The following JAKMIP1 variants were observed in gnomAD, a reference collection of about 807,000 sequenced individuals.
JAKMIP1 encodes the protein janus kinase and microtubule interacting protein 1.
Under a neutral mutation model 113.0 loss-of-function variants are expected in JAKMIP1, and 33 were observed. The ratio of observed to expected loss-of-function variants is 0.29; its 90% CI spans 0.22 to 0.39. The LOEUF (loss-of-function observed/expected upper bound fraction) is 0.39. JAKMIP1 is among the 10% of genes least tolerant of loss of function. The probability of loss-of-function intolerance (pLI) is 1.00; values close to 1 mark genes in which losing one functional copy is unlikely to be tolerated. For missense variants in JAKMIP1, 813 were observed against 1,080.5 expected (o/e 0.75, Z 3.47); for synonymous variants, 480 against 459.9 (o/e 1.04, Z -0.56).
chr4:6,080,387 G>C lies in JAKMIP1; in HGVS notation c.1102-75C>G. On this transcript the variant is annotated intron_variant, in intron 6 of 20. Coordinates refer to ENST00000409021, the MANE Select transcript of JAKMIP1 (RefSeq NM_001099433.2). The surrounding 1 kb of genome is among the most constrained non-coding windows in gnomAD (Gnocchi z 6.0). ...TTGTTAGGGACAGTGCTGGAGTGGA[G>C]CTCAGGGGTGCAGGGACAGAAGGAT... The C allele has an allele frequency of 6.5e-7, 1 of 1,528,582 alleles. No individual in the cohort carries two copies. The highest frequency in any genetic ancestry group is 1.2e-5 in the South Asian group (1 of 80,240). 94.7% of individuals were successfully genotyped at this position (1,528,582 alleles called of 1,614,324 possible).
chr4:6,050,685 G>A lies in JAKMIP1; in HGVS notation c.1807-6C>T, dbSNP rs1278510701. 1 of 1,549,250 alleles carries A rather than the reference G, an allele frequency of 6.5e-7. No individual in the cohort carries two copies. The highest frequency in any genetic ancestry group is 2.0e-5 in the Admixed American group (1 of 51,126). ...GGCGACCTCCTCTCTCTCTCCTGGG[G>A]AAAAGATTCGGTTTAAAAACAGAAT... On this transcript the variant is annotated splice_polypyrimidine_tract_variant and splice_region_variant and intron_variant, in intron 13 of 20. Transcript: ENST00000409021. The surrounding 1 kb of genome is among the most constrained non-coding windows in gnomAD (Gnocchi z 7.4).
chr4:6,102,109 A>T (rs1017890896), intron 3 of JAKMIP1, among the ~76,000 whole-genome samples: 3 of 152,144 alleles, frequency 2.0e-5, no homozygotes, highest in Non-Finnish European at 4.4e-5. Context: ...CTTTCCTTAG[A>T]TTTATTCCTA....
chr4:6,177,799 T>C (rs965147632), intron 1 of JAKMIP1, among the ~76,000 whole-genome samples: 2 of 152,296 alleles, frequency 1.3e-5, no homozygotes, highest in South Asian at 2.1e-4. Flanking sequence ...ATCTTCACAG[T>C]GACCTGGGTG....
At chr4:6,090,371 C>A (rs1408080631) in intron 3 of JAKMIP1, among the ~76,000 whole-genome samples, 1 of 152,198 alleles carries the variant, frequency 6.6e-6, no homozygotes, top group African/African-American at 2.4e-5. Flanking sequence ...CCAGAAAACA[C>A]TTTCACCCTA....
chr4:6,108,170 C>A lies in JAKMIP1; in HGVS notation c.130-2203G>T, dbSNP rs1328718952. On this transcript the variant is annotated intron_variant, in intron 2 of 20. Coordinates refer to ENST00000409021, the MANE Select transcript of JAKMIP1 (RefSeq NM_001099433.2). This position sits in a 1 kb window ranked among gnomAD's most constrained non-coding sequence, Gnocchi z 5.6. ...CTGGGGACAGGGCCCTGCTGGGTCC[C>A]TCCAGCTCTGCCCAAAGCTGCTGAG... 6.6e-6 allele frequency among the ~76,000 whole-genome samples: 1 copy of A among 152,084 alleles called. No homozygotes were observed. Among genetic ancestry groups the A allele is most frequent in the Non-Finnish European group, 1.5e-5 (1 of 68,022 alleles).
At position 6,064,911 on chromosome 4, in the gene JAKMIP1, G is replaced by A. The variant is rs771685975; in HGVS notation, c.1400C>T (p.Thr467Ile). 5.4e-5 allele frequency: 87 copies of A among 1,614,022 alleles called. No individual in the cohort carries two copies. The highest frequency in any genetic ancestry group is 7.2e-5 in the Non-Finnish European group (85 of 1,180,038). Reference protein sequence around the residue: ...TSYNTDRTDRTPATPEEDLDD... With the variant: ...TSYNTDRTDRIPATPEEDLDD... ...CAAGTCTTCTTCGGGCGTGGCTGGG[G>A]TCCTGTCTGTCCTGTCTGTGTTGTA... The change falls in exon 9 of 21, where the codon ACC (threonine) becomes ATC (isoleucine). Residue 467 changes from threonine to isoleucine, a missense_variant. By Grantham distance (89) the Thr-to-Ile change is moderately conservative. Around this residue, in one of 2 missense-constraint regions of JAKMIP1, gnomAD observed 540 missense variants for 653.9 expected, o/e 0.83. Transcript: ENST00000409021. This position sits in a 1 kb window ranked among gnomAD's most constrained non-coding sequence, Gnocchi z 4.3.
chr4:6,149,182 A>G (rs1477860977), intron 1 of JAKMIP1, among the ~76,000 whole-genome samples: 1 of 152,238 alleles, frequency 6.6e-6, no homozygotes, highest in Non-Finnish European at 1.5e-5. Flanking sequence ...TTTTTAAAAT[A>G]AGTAAGCTTT....
chr4:6,074,579 A>G (rs1020682796), intron 8 of JAKMIP1, among the ~76,000 whole-genome samples: 1 of 152,218 alleles, frequency 6.6e-6, no homozygotes, highest in African/African-American at 2.4e-5. Context: ...ACCTCCCACG[A>G]ATACTCAAAT....
At chr4:6,066,024 A>G (rs556460536) in intron 8 of JAKMIP1, among the ~76,000 whole-genome samples, 1 of 152,270 alleles carries the variant, frequency 6.6e-6, no homozygotes, top group Non-Finnish European at 1.5e-5. Context: ...GCCCCCGACA[A>G]GGATTTTTAT....
At chr4:6,169,980 TACCACCACCACCACC>T (rs200501521) in intron 1 of JAKMIP1, among the ~76,000 whole-genome samples, 27,660 of 107,620 alleles carry the variant, frequency 0.26, 2,320 homozygotes, top group South Asian at 0.34. Flanking sequence ...CCACCACCAC[TACCACCACCACCACC>T]ACCACCACCA....
chr4:6,124,400 C>T (rs1560227786), intron 1 of JAKMIP1, among the ~76,000 whole-genome samples: 1 of 152,168 alleles, frequency 6.6e-6, no homozygotes, highest in Non-Finnish European at 1.5e-5. Flanking sequence ...AGTGTGGCGG[C>T]TTAATCCACA....
chr4:6,103,356 A>G lies in JAKMIP1; in HGVS notation c.624+2117T>C, dbSNP rs540386445. The stretch of plus-strand genomic sequence containing the variant: ...GCCAATCTTTATATTTTCAGAATAA[A>G]CCCAGCTGGGTTATGACTTATTAGC... On this transcript the variant is annotated intron_variant, in intron 3 of 20. Coordinates refer to ENST00000409021, the MANE Select transcript of JAKMIP1 (RefSeq NM_001099433.2). Among the ~76,000 whole-genome samples the G allele has an allele frequency of 5.3e-5, 8 of 152,312 alleles. No individual in the cohort carries two copies. In the East Asian group the frequency reaches 1.2e-3, roughly 22 times the overall value.
At chr4:6,130,059 A>G (rs776001065) in intron 1 of JAKMIP1, among the ~76,000 whole-genome samples, 5 of 152,226 alleles carry the variant, frequency 3.3e-5, no homozygotes, top group Non-Finnish European at 4.4e-5. Context: ...CACAGAGCCC[A>G]GGTCCAGCTC....
chr4:6,080,654 A>G lies in JAKMIP1; in HGVS notation c.1102-342T>C, dbSNP rs1376764536. On this transcript the variant is annotated intron_variant, in intron 6 of 20. Coordinates refer to ENST00000409021, the MANE Select transcript of JAKMIP1 (RefSeq NM_001099433.2). This position sits in a 1 kb window ranked among gnomAD's most constrained non-coding sequence, Gnocchi z 6.0. ...CAGTCTGTCTTGTCTGCCGCCAAGT[A>G]AGATGTGCCTTTAGCTTTCTGCCAT... is the stretch of plus-strand genomic sequence containing the variant. Among the ~76,000 whole-genome samples the G allele has an allele frequency of 6.6e-6, 1 of 152,132 alleles. No homozygotes were observed.
At chr4:6,102,596 G>T (rs1713229940) in intron 3 of JAKMIP1, among the ~76,000 whole-genome samples, 1 of 151,818 alleles carries the variant, frequency 6.6e-6, no homozygotes, top group Non-Finnish European at 1.5e-5. Context: ...TTATATATAA[G>T]TTACCCAGTC....
At position 6,193,086 on chromosome 4, in the gene JAKMIP1, A is replaced by G. The variant is rs957607968; in HGVS notation, c.-148+7167T>C. 6.6e-6 allele frequency among the ~76,000 whole-genome samples: 1 copy of G among 152,144 alleles called. No individual in the cohort carries two copies. The highest frequency in any genetic ancestry group is 1.5e-5 in the Non-Finnish European group (1 of 68,024). ...GCTAGAATAAAGCAGGCAGGAGAAG[A>G]TGGAAGAGCAAACTTGCTGAGTCTT... On this transcript the variant is annotated intron_variant, in intron 1 of 20. Coordinates refer to ENST00000409021, the MANE Select transcript of JAKMIP1 (RefSeq NM_001099433.2). This position sits in a 1 kb window ranked among gnomAD's most constrained non-coding sequence, Gnocchi z 6.4.
In JAKMIP1 at chr4:6,085,491, G is replaced by T. The variant is rs780191148; in HGVS notation, c.763C>A (p.Arg255=). 1.2e-6 allele frequency: 2 copies of T among 1,614,096 alleles called. No homozygotes were observed. Among genetic ancestry groups the T allele is most frequent in the Non-Finnish European group, 1.7e-6 (2 of 1,180,032 alleles). The change falls in exon 4 of 21, where the codon CGG becomes AGG. Residue 255 remains arginine (R), a synonymous_variant. Coordinates refer to ENST00000409021, the MANE Select transcript of JAKMIP1 (RefSeq NM_001099433.2). ...TCTCTCTTTGGACTACTGTGGTGCCGCTCGGCCTCCTTGACCTGAACCAGC... is the reference window on the plus strand; with the variant it reads ...TCTCTCTTTGGACTACTGTGGTGCCTCTCGGCCTCCTTGACCTGAACCAGC... ...EQLVQVKEAE[R]HHSSPKRELP...
In JAKMIP1 at chr4:6,158,552, G is replaced by A. The variant is rs4234721; in HGVS notation, c.-148+41701C>T. 6.6e-6 allele frequency among the ~76,000 whole-genome samples: 1 copy of A among 152,120 alleles called. No homozygotes were observed. Among genetic ancestry groups the A allele is most frequent in the Admixed American group, 6.5e-5 (1 of 15,294 alleles). On this transcript the variant is annotated intron_variant, in intron 1 of 20. Transcript: ENST00000409021. This position sits in a 1 kb window ranked among gnomAD's most constrained non-coding sequence, Gnocchi z 5.3. ...TGGAACATGATTCACTGGAAAGAAA[G>A]GATGAGGTATTCCAGAGGGCCTGCG...
In JAKMIP1 at chr4:6,080,064, T is replaced by TGACCCA; in HGVS notation, c.1242+102_1242+107dup. 1 of 1,330,576 alleles carries TGACCCA rather than the reference T, an allele frequency of 7.5e-7. No homozygotes were observed. Among genetic ancestry groups the TGACCCA allele is most frequent in the Non-Finnish European group, 1.0e-6 (1 of 985,380 alleles). 82.4% of individuals were successfully genotyped at this position (1,330,576 alleles called of 1,614,324 possible). A position where few individuals can be genotyped will look rare whatever the true frequency, so the allele number is the denominator to read the frequency against. On this transcript the variant is annotated intron_variant, in intron 7 of 20. Coordinates refer to ENST00000409021, the MANE Select transcript of JAKMIP1 (RefSeq NM_001099433.2). The surrounding 1 kb of genome is among the most constrained non-coding windows in gnomAD (Gnocchi z 6.0). ...TCCCAAAGTCAGCACTGCCTGACCC[T>TGACCCA]GACCCAGCTCAGCAGCATCACCCTG...
Sources: allele counts gnomAD v4.1 joint callset (sites outside exome capture counted in the v4.1 genomes callset), GRCh38; gene constraint gnomAD v4.1.1; regional missense constraint gnomAD v4.1.1; non-coding constraint Gnocchi (gnomAD v3.1); transcripts MANE v1.5; gene names NCBI Gene and HGNC (gene_info 2026-07-23, HGNC 2026-07-21).